The following CA12 variants were observed in gnomAD, a reference collection of about 807,000 sequenced individuals.
CA12 encodes the protein carbonic anhydrase 12.
A neutral mutation model predicts 46.8 loss-of-function variants in CA12; 36 were observed. The observed-to-expected ratio is 0.77, with a 90% CI of 0.59 to 1.02. The LOEUF is 1.02. Ranked by LOEUF, CA12 falls within the 50% of genes least tolerant of loss-of-function variation. The probability of loss-of-function intolerance (pLI) is 0.00; values close to 1 mark genes in which losing one functional copy is unlikely to be tolerated. For missense variants in CA12, 436 were observed against 451.4 expected (o/e 0.97, Z 0.31); for synonymous variants, 202 against 187.0 (o/e 1.08, Z -0.65).
intron 2 of CA12, among the ~76,000 whole-genome samples, chr15:63,365,011 A>C (rs2039420437): frequency 6.6e-6 from 1 of 152,180 alleles, no homozygotes. Flanking sequence ...GCAGTGGCAC[A>C]ATCACAGTTC....
At position 63,345,448 on chromosome 15, in the gene CA12, G is replaced by C; in HGVS notation, c.429+29C>G. 1 of 1,602,002 alleles carries C rather than the reference G, an allele frequency of 6.2e-7. No homozygotes were observed. The highest frequency in any genetic ancestry group is 8.5e-7 in the Non-Finnish European group (1 of 1,179,598). On this transcript the variant is annotated intron_variant, in intron 4 of 10. Coordinates refer to ENST00000178638, the MANE Select transcript of CA12 (RefSeq NM_001218.5). The surrounding 1 kb of genome is among the most constrained non-coding windows in gnomAD (Gnocchi z 4.3). ...GTGCCACACCACCCACTGCAGAGCA[G>C]CCTCTGCCAGACTGGCAGCCCTACT...
At position 63,361,464 on chromosome 15, in the gene CA12, T is replaced by TG. The variant is rs563760787; in HGVS notation, c.106+14193dup. Among the ~76,000 whole-genome samples, 397 of 152,062 alleles carry TG rather than the reference T, an allele frequency of 2.6e-3. 2 individuals carry two copies. The highest frequency in any genetic ancestry group is 6.8e-3 in the Middle Eastern group (2 of 294). Reference sequence around the variant, plus strand: ...GAAGACATTTTCAGCTGTCACAACTTGGGGGGGTGCTACTAGCATCTAGTG... The same window carrying TG: ...GAAGACATTTTCAGCTGTCACAACTTGGGGGGGGTGCTACTAGCATCTAGTG... On this transcript the variant is annotated intron_variant, in intron 2 of 10. Transcript: ENST00000178638.
intron 8 of CA12, among the ~76,000 whole-genome samples, chr15:63,335,827 T>C (rs962638031): frequency 1.3e-5 from 2 of 152,128 alleles, no homozygotes; most frequent in Admixed American, 6.5e-5. Context: ...TGAAACATCA[T>C]GTTACAGTCT....
At chr15:63,358,930 C>G (rs1030551592) in intron 2 of CA12, among the ~76,000 whole-genome samples, 2 of 152,296 alleles carry the variant, frequency 1.3e-5, no homozygotes, top group East Asian at 3.9e-4. Flanking sequence ...GCACTAACCC[C>G]CCACTCCTGA....
rs1377494901 is a variant in CA12, at chr15:63,338,813, C to T, written c.874+6G>A. ...ACCCCCTCCCCCCAGCACTGCCTCT[C>T]CTCACCTTGGGAGAAGGAGGTGTAT... On this transcript the variant is annotated splice_donor_region_variant and intron_variant, in intron 8 of 10. Coordinates refer to ENST00000178638, the MANE Select transcript of CA12 (RefSeq NM_001218.5). 2 of 1,613,980 alleles carry T rather than the reference C, an allele frequency of 1.2e-6. No homozygotes were observed. The highest frequency in any genetic ancestry group is 2.2e-5 in the East Asian group (1 of 44,896).
chr15:63,344,118 T>C (rs1246653895), intron 4 of CA12, among the ~76,000 whole-genome samples: 2 of 152,238 alleles, frequency 1.3e-5, no homozygotes, highest in Non-Finnish European at 2.9e-5. Flanking sequence ...CCTCTGCCCA[T>C]GTCTGTTTTA....
chr15:63,336,452 T>C (rs1435886739), intron 8 of CA12, among the ~76,000 whole-genome samples: 2 of 151,862 alleles, frequency 1.3e-5, no homozygotes, highest in African/African-American at 4.8e-5. Flanking sequence ...GTCCCTGCAA[T>C]GTAAAGTCAG....
chr15:63,360,506 A>G (rs2039348011), intron 2 of CA12, among the ~76,000 whole-genome samples: 1 of 152,232 alleles, frequency 6.6e-6, no homozygotes, highest in Admixed American at 6.5e-5. Flanking sequence ...ATGCTGAAAC[A>G]TGAAAGACCC....
intron 2 of CA12, among the ~76,000 whole-genome samples, chr15:63,375,182 G>A (rs1362159352): frequency 1.3e-5 from 2 of 152,156 alleles, no homozygotes; most frequent in Admixed American, 1.3e-4. Flanking sequence ...TTCATCCATC[G>A]CTAGCTTACA....
At chr15:63,360,703 G>T (rs776210783) in intron 2 of CA12, among the ~76,000 whole-genome samples, 7 of 152,222 alleles carry the variant, frequency 4.6e-5, no homozygotes, top group Non-Finnish European at 8.8e-5. Flanking sequence ...TAACTCCTGT[G>T]TGTTTCCAGA....
chr15:63,345,442 A>G lies in CA12; in HGVS notation c.429+35T>C, dbSNP rs1265240107. On this transcript the variant is annotated intron_variant, in intron 4 of 10. Transcript: ENST00000178638. The surrounding 1 kb of genome is among the most constrained non-coding windows in gnomAD (Gnocchi z 4.3). ...GAGAAGGTGCCACACCACCCACTGC[A>G]GAGCAGCCTCTGCCAGACTGGCAGC... 6.2e-7 allele frequency: 1 copy of G among 1,601,442 alleles called. No homozygotes were observed. Among genetic ancestry groups the G allele is most frequent in the Non-Finnish European group, 8.5e-7 (1 of 1,179,758 alleles).
chr15:63,376,515 T>G (rs2039572238), intron 1 of CA12, among the ~76,000 whole-genome samples: 1 of 151,198 alleles, frequency 6.6e-6, no homozygotes, highest in South Asian at 2.1e-4. Flanking sequence ...CACTTTACAT[T>G]TTCTCTCTCT....
In CA12 at chr15:63,325,377, T is replaced by A; in HGVS notation, c.*908A>T. Reference sequence around the variant, plus strand: ...CCTCCAGGACACAGCAACAACACATTTTCAAGGAACAGCCTCATTATTTGT... The same window carrying A: ...CCTCCAGGACACAGCAACAACACATATTCAAGGAACAGCCTCATTATTTGT... On this transcript the variant is annotated 3_prime_UTR_variant, in exon 11 of 11. Coordinates refer to ENST00000178638, the MANE Select transcript of CA12 (RefSeq NM_001218.5). This position sits in a 1 kb window ranked among gnomAD's most constrained non-coding sequence, Gnocchi z 4.9. The A allele has an allele frequency of 6.6e-6, 1 of 152,174 alleles. No homozygotes were observed. The highest frequency in any genetic ancestry group is 6.5e-5 in the Admixed American group (1 of 15,272). The allele number at this position is 152,174 out of a possible 1,614,324, so 9.4% of individuals were successfully genotyped here. A position where few individuals can be genotyped will look rare whatever the true frequency, so the allele number is the denominator to read the frequency against.
rs2038920581 is a variant in CA12 at position 63,330,305 on chromosome 15, G to A, written c.875-2175C>T. Among the ~76,000 whole-genome samples the A allele has an allele frequency of 6.6e-6, 1 of 152,170 alleles. No homozygotes were observed. Among genetic ancestry groups the A allele is most frequent in the African/African-American group, 2.4e-5 (1 of 41,440 alleles). Reference sequence around the variant, plus strand: ...ACAGTGGAACTTGGTATTAGGGTTGGTTGTTTCTTTTTTAAATGTAACCAG... The same window carrying A: ...ACAGTGGAACTTGGTATTAGGGTTGATTGTTTCTTTTTTAAATGTAACCAG... On this transcript the variant is annotated intron_variant, in intron 8 of 10. Transcript: ENST00000178638. The surrounding 1 kb of genome is among the most constrained non-coding windows in gnomAD (Gnocchi z 4.0).
chr15:63,336,380 G>C (rs1370404397), intron 8 of CA12, among the ~76,000 whole-genome samples: 1 of 152,016 alleles, frequency 6.6e-6, no homozygotes, highest in Non-Finnish European at 1.5e-5. Context: ...GGTTACTTTT[G>C]GATGTCAGAG....
intron 2 of CA12, among the ~76,000 whole-genome samples, chr15:63,347,572 T>C (rs2039166952): frequency 6.6e-6 from 1 of 152,242 alleles, no homozygotes; most frequent in African/African-American, 2.4e-5. Flanking sequence ...GGCTCAAGCT[T>C]CTTGCTAACT....
At chr15:63,357,667 T>A (rs1468402228) in intron 2 of CA12, among the ~76,000 whole-genome samples, 1 of 141,886 alleles carries the variant, frequency 7.0e-6, no homozygotes, top group Non-Finnish European at 1.6e-5. Flanking sequence ...CTTTTTTTTT[T>A]AAATTAATTT....
In CA12 at chr15:63,339,779, G is replaced by A. The variant is rs1325130650; in HGVS notation, c.747+509C>T. Among the ~76,000 whole-genome samples the A allele has an allele frequency of 1.3e-5, 2 of 152,192 alleles. No homozygotes were observed. Among genetic ancestry groups the A allele is most frequent in the Non-Finnish European group, 2.9e-5 (2 of 68,024 alleles). ...TGGGTCTCAGCTTTGTCACTAACCC[G>A]CGGGTGATCCCACAGACTTCTACTC... On this transcript the variant is annotated intron_variant, in intron 7 of 10. Transcript: ENST00000178638. The surrounding 1 kb of genome is among the most constrained non-coding windows in gnomAD (Gnocchi z 4.3).
Position 63,328,163 on chromosome 15 carries a change from C to T in CA12, c.875-33G>A. On this transcript the variant is annotated intron_variant, in intron 8 of 10. Transcript: ENST00000178638. This position sits in a 1 kb window ranked among gnomAD's most constrained non-coding sequence, Gnocchi z 5.9. ...GGGGAGAGGAAAAGACGAGGTTACT[C>T]TAGAGTCAAACCACACTGGATTTGA... 2 of 1,607,862 alleles carry T rather than the reference C, an allele frequency of 1.2e-6. No homozygotes were observed. Among genetic ancestry groups the T allele is most frequent in the Non-Finnish European group, 1.7e-6 (2 of 1,174,394 alleles).
Sources: gnomAD v4.1 joint callset for allele counts (sites outside exome capture counted in the v4.1 genomes callset) on GRCh38, gnomAD v4.1.1 for gene constraint, Gnocchi (gnomAD v3.1) non-coding constraint, MANE v1.5 for transcripts, NCBI Gene and HGNC (gene_info 2026-07-23, HGNC 2026-07-21) for gene names.